Variants in CDHR2 observed in about 807,000 individuals in gnomAD.
CDHR2 encodes the protein cadherin-related family member 2.
CDHR2 carries 104 observed loss-of-function variants against 138.6 expected under a neutral mutation model. The ratio of observed to expected loss-of-function variants is 0.75; its 90% CI spans 0.64 to 0.88. The LOEUF (loss-of-function observed/expected upper bound fraction) is 0.88. CDHR2 is among the 40% of genes least tolerant of loss of function. The pLI is 0.00. For synonymous variants in CDHR2, 755 were observed against 742.8 expected (o/e 1.02, Z -0.27); for missense variants, 1,624 against 1,727.6 (o/e 0.94, Z 1.06).
chr5:176,569,342 G>C (rs1371629225), intron 5 of CDHR2, among the ~76,000 whole-genome samples: 1 of 147,654 alleles, frequency 6.8e-6, no homozygotes, highest in Non-Finnish European at 1.5e-5. Flanking sequence ...GGAGTGCAGT[G>C]GCGCGATCTC....
At chr5:176,546,237 T>G (rs933135769), upstream of CDHR2, among the ~76,000 whole-genome samples, 3 of 152,172 alleles carry the variant, frequency 2.0e-5, no homozygotes, top group Non-Finnish European at 2.9e-5. Context: ...TGCACAGATA[T>G]GCTAATATCT....
chr5:176,573,341 T>TA (rs1758278086), intron 6 of CDHR2, among the ~76,000 whole-genome samples: 1 of 152,040 alleles, frequency 6.6e-6, no homozygotes, highest in African/African-American at 2.4e-5. Context: ...TGGCCACCAT[T>TA]AGGAAGTATA....
chr5:176,592,234 CAA>C (rs1268799570), intron 30 of CDHR2, among the ~76,000 whole-genome samples: 1 of 108,944 alleles, frequency 9.2e-6, no homozygotes, highest in Non-Finnish European at 1.8e-5. Context: ...GTGATGATGA[CAA>C]TGATGATGGT....
chr5:176,565,637 G>T (rs1554141803), intron 2 of CDHR2, 35 bp from the exon 3 acceptor site: 1 of 1,588,718 alleles, frequency 6.3e-7, no homozygotes. Flanking sequence ...TTTTGCAGGG[G>T]TGTCCCGATG....
chr5:176,563,411 A>G (rs1758011446), intron 1 of CDHR2, among the ~76,000 whole-genome samples: 1 of 152,124 alleles, frequency 6.6e-6, no homozygotes. Context: ...GTTCGTCAGC[A>G]GCTGTGAACT....
intron 1 of CDHR2, among the ~76,000 whole-genome samples, chr5:176,564,610 T>A (rs1758039718): frequency 6.6e-6 from 1 of 152,204 alleles, no homozygotes; most frequent in Non-Finnish European, 1.5e-5. Flanking sequence ...TCAAAAAGAC[T>A]GGCCCAGCAG....
chr5:176,542,854 G>A (rs1757483917), intron 1 of CDHR2: 1 of 152,340 alleles, frequency 6.6e-6, no homozygotes, highest in Admixed American at 6.5e-5. Context: ...TGGCTCCCCG[G>A]CGGCCGGCAC....
intron 14 of CDHR2, 48 bp downstream of exon 14, chr5:176,577,846 G>A (rs781567743): frequency 1.3e-5 from 20 of 1,584,058 alleles, no homozygotes; most frequent in East Asian, 2.3e-5. Flanking sequence ...GCAAGCGGGC[G>A]TGCATGTGTG....
chr5:176,548,001 T>TA (rs1463807003), upstream of CDHR2, among the ~76,000 whole-genome samples: 13 of 152,146 alleles, frequency 8.5e-5, no homozygotes, highest in Non-Finnish European at 1.9e-4. Flanking sequence ...CACAGTGACT[T>TA]ACACAAACCT....
Position 176,552,741 on chromosome 5 carries a change from A to C in CDHR2, c.-16+3327A>C, listed in dbSNP as rs186372370. 1.7e-3 allele frequency among the ~76,000 whole-genome samples: 262 copies of C among 152,358 alleles called. 2 individuals carry two copies. Among genetic ancestry groups the C allele is most frequent in the African/African-American group, 6.2e-3 (258 of 41,576 alleles). ...CGAGAAACCCGGGGCCAACCCCAGC[A>C]GAGCAGGAGGCAGGCGAGGCAGGGA... On this transcript the variant is annotated intron_variant, in intron 1 of 31. Transcript: ENST00000261944.
chr5:176,577,576 CA>C (rs767579952), intron 13 of CDHR2, 22 bp downstream of exon 13: 1 of 1,613,764 alleles, frequency 6.2e-7, no homozygotes, highest in Non-Finnish European at 8.5e-7. Context: ...TCCGGGGTGC[CA>C]GGGGCAGAAG....
intron 16 of CDHR2, among the ~76,000 whole-genome samples, chr5:176,579,400 C>T (rs1310694111): frequency 1.3e-5 from 2 of 152,228 alleles, no homozygotes; most frequent in Non-Finnish European, 2.9e-5. Context: ...TCTGTGGTTA[C>T]ACAGCCAGTA....
Position 176,568,758 on chromosome 5 carries a change from T to C in CDHR2, c.205T>C (p.Phe69Leu), listed in dbSNP as rs1235280428. The stretch of plus-strand genomic sequence containing the variant: ...TGGGATGAGCGGCCCCAATGCCTAC[T>C]TCTTCGCTGTCACTCCGAAAACTGG... ...TYGMSGPNAY[F>L]FAVTPKTGEV... The change falls in exon 4 of 32, where the codon TTC (phenylalanine) becomes CTC (leucine). Residue 69 changes from phenylalanine (F) to leucine (L), a missense_variant. Phe to Leu is a conservative substitution (Grantham distance 22). Transcript: ENST00000261944. The C allele has an allele frequency of 1.7e-5, 28 of 1,614,228 alleles. No homozygotes were observed. The highest frequency in any genetic ancestry group is 2.4e-5 in the Non-Finnish European group (28 of 1,180,034).
intron 1 of CDHR2, among the ~76,000 whole-genome samples, chr5:176,549,962 C>T (rs989375998): frequency 1.9e-4 from 29 of 152,334 alleles, no homozygotes; most frequent in African/African-American, 6.7e-4. Context: ...GCCACCTCAG[C>T]CAGTGCTAGG....
intron 3 of CDHR2, among the ~76,000 whole-genome samples, chr5:176,566,152 A>G (rs1758073812): frequency 1.3e-5 from 2 of 151,818 alleles, no homozygotes; most frequent in Admixed American, 6.6e-5. Context: ...CACAGAAGCT[A>G]ATGACTCACT....
intron 21 of CDHR2, among the ~76,000 whole-genome samples, chr5:176,587,771 G>C (rs377427320): frequency 6.6e-6 from 1 of 152,198 alleles, no homozygotes; most frequent in African/African-American, 2.4e-5. Context: ...TTAGAGCCGA[G>C]TGTAAGGACA....
At chr5:176,547,958 T>TCA (rs1334958808), upstream of CDHR2, among the ~76,000 whole-genome samples, 1 of 152,160 alleles carries the variant, frequency 6.6e-6, no homozygotes, top group African/African-American at 2.4e-5. Flanking sequence ...GGGAAATGTG[T>TCA]CATCAGGCAA....
Position 176,592,757 on chromosome 5 carries a change from G to A in CDHR2, c.3769G>A (p.Asp1257Asn). Residue 1257 changes from aspartate (D) to asparagine (N), a missense_variant, in exon 31 of 32, where the codon GAC becomes AAC. Transcript: ENST00000261944. ...NSLDDNSVDV[D>N]KNSQEIKEHR... ...CCTGGACGACAACTCTGTGGATGTG[G>A]ACAAGAACAGTCAGGAAATCAAGGC... 4 of 1,613,856 alleles carry A rather than the reference G, an allele frequency of 2.5e-6. No homozygotes were observed. The highest frequency in any genetic ancestry group is 2.5e-6 in the Non-Finnish European group (3 of 1,179,838).
Position 176,575,594 on chromosome 5 carries a change from T to G in CDHR2, c.844+13T>G. ...TACAGCATCTCCTGTGAGAACGGGG[T>G]GTCCCCAGGCCAGGGCTGGGCCGGG... On this transcript the variant is annotated intron_variant, in intron 10 of 31. Coordinates refer to ENST00000261944, the MANE Select transcript of CDHR2 (RefSeq NM_017675.6). 5 of 1,613,354 alleles carry G rather than the reference T, an allele frequency of 3.1e-6. No homozygotes were observed. Among genetic ancestry groups the G allele is most frequent in the Non-Finnish European group, 4.2e-6 (5 of 1,179,542 alleles).
Sources: allele counts gnomAD v4.1 joint callset (sites outside exome capture counted in the v4.1 genomes callset), GRCh38; gene constraint gnomAD v4.1.1; transcripts MANE v1.5; gene names NCBI Gene and HGNC (gene_info 2026-07-23, HGNC 2026-07-21).